Variants in DLG2 observed in about 807,000 individuals in gnomAD.
DLG2 encodes the protein discs large MAGUK scaffold protein 2.
Under a neutral mutation model 132.5 loss-of-function variants are expected in DLG2, and 45 were observed. That is an observed-to-expected ratio of 0.34 (90% CI 0.27 to 0.44). DLG2 has a LOEUF of 0.44. Ranked by LOEUF, DLG2 falls within the 20% of genes least tolerant of loss-of-function variation. The pLI is 1.00. For missense variants in DLG2, 1,045 were observed against 1,196.9 expected (o/e 0.87, Z 1.87); for synonymous variants, 424 against 419.6 (o/e 1.01, Z -0.13).
intron 7 of DLG2, among the ~76,000 whole-genome samples, chr11:84,260,592 T>C (rs778138050): frequency 6.6e-6 from 1 of 152,198 alleles, no homozygotes; most frequent in Non-Finnish European, 1.5e-5. Flanking sequence ...ACCAACTACC[T>C]ACTGTGTGCC....
chr11:83,819,582 A>T (rs529993464), intron 17 of DLG2, among the ~76,000 whole-genome samples: 3 of 152,042 alleles, frequency 2.0e-5, no homozygotes, highest in East Asian at 1.9e-4. Flanking sequence ...GAATAATAAA[A>T]GTACATGAAA....
chr11:84,398,306 A>G (rs2098817766), intron 7 of DLG2, among the ~76,000 whole-genome samples: 1 of 152,236 alleles, frequency 6.6e-6, no homozygotes, highest in African/African-American at 2.4e-5. Flanking sequence ...TGCAAGAACA[A>G]GGAGGAAACC....
intron 7 of DLG2, among the ~76,000 whole-genome samples, chr11:84,257,228 G>A (rs1598479612): frequency 6.6e-6 from 1 of 152,084 alleles, no homozygotes; most frequent in African/African-American, 2.4e-5. Flanking sequence ...TTACATTTTA[G>A]TTCTCCATTG....
intron 6 of DLG2, among the ~76,000 whole-genome samples, chr11:84,800,196 G>C (rs1156855205): frequency 1.3e-5 from 2 of 152,142 alleles, no homozygotes; most frequent in Non-Finnish European, 2.9e-5. Context: ...AGAAATTTTA[G>C]AAGAGAACAC....
intron 14 of DLG2, among the ~76,000 whole-genome samples, chr11:83,946,712 CTT>C (rs748848296): frequency 1.9e-4 from 29 of 152,078 alleles, no homozygotes; most frequent in Non-Finnish European, 3.4e-4. Context: ...AAAATTGTGA[CTT>C]TCATTATTTC....
At chr11:84,463,908 G>T (rs1158955154) in intron 7 of DLG2, among the ~76,000 whole-genome samples, 1 of 151,220 alleles carries the variant, frequency 6.6e-6, no homozygotes, top group Admixed American at 6.6e-5. Context: ...AAAGGGAGAA[G>T]GGGGAATGTA....
At chr11:84,596,883 G>A (rs2099561012) in intron 6 of DLG2, among the ~76,000 whole-genome samples, 1 of 152,080 alleles carries the variant, frequency 6.6e-6, no homozygotes, top group Admixed American at 6.6e-5. Context: ...TATGCATCAG[G>A]CACTATGCTA....
At chr11:83,927,886 T>C (rs753670248) in intron 15 of DLG2, among the ~76,000 whole-genome samples, 15 of 151,728 alleles carry the variant, frequency 9.9e-5, no homozygotes, top group Admixed American at 2.6e-4. Context: ...TGAAGATGAA[T>C]TGAATGGCAG....
chr11:84,149,891 G>T (rs1004057077), intron 9 of DLG2, among the ~76,000 whole-genome samples: 1 of 151,988 alleles, frequency 6.6e-6, no homozygotes, highest in African/African-American at 2.4e-5. Context: ...CTGAGTAGCT[G>T]GGATTACAGG....
chr11:85,425,031 A>G (rs1437354103), intron 3 of DLG2, among the ~76,000 whole-genome samples: 1 of 40,910 alleles, frequency 2.4e-5, no homozygotes, highest in Non-Finnish European at 8.8e-5. Context: ...AAAACAAACA[A>G]ACAAACAAAA....
chr11:84,312,986 A>AT (rs1263506127), intron 7 of DLG2, among the ~76,000 whole-genome samples: 1 of 150,674 alleles, frequency 6.6e-6, no homozygotes, highest in East Asian at 2.0e-4. Flanking sequence ...ATTTTTTTGT[A>AT]TTTTTAGTAG....
At chr11:84,427,987 C>A (rs966443585) in intron 7 of DLG2, among the ~76,000 whole-genome samples, 3 of 152,156 alleles carry the variant, frequency 2.0e-5, no homozygotes, top group Admixed American at 1.3e-4. Context: ...CCTAATGTAA[C>A]AAGTAGGTGT....
rs185389128 is a variant in DLG2, at chr11:84,441,684, A to G, written c.519+92886T>C. Among the ~76,000 whole-genome samples, 618 of 152,296 alleles carry G rather than the reference A, an allele frequency of 4.1e-3. 2 individuals carry two copies. The highest frequency in any genetic ancestry group is 6.8e-3 in the Non-Finnish European group (465 of 68,018). ...AAACAATGCTTTTCCACAAAAATGT[A>G]TTGAGTATTACTACATGTCAAACCT... On this transcript the variant is annotated intron_variant, in intron 7 of 27. Transcript: ENST00000376104.
chr11:85,527,159 G>C (rs139054862), intron 3 of DLG2, among the ~76,000 whole-genome samples: 198 of 150,296 alleles, frequency 1.3e-3, no homozygotes, highest in Non-Finnish European at 2.1e-3. Context: ...GTTTGTTTTT[G>C]CCTAAAGGAT....
intron 6 of DLG2, among the ~76,000 whole-genome samples, chr11:84,684,430 A>C (rs1447225660): frequency 1.3e-5 from 2 of 152,030 alleles, no homozygotes; most frequent in African/African-American, 4.8e-5. Flanking sequence ...CACTCCATTC[A>C]CTAATACACA....
chr11:83,724,472 T>TGA (rs1384949474), intron 18 of DLG2, among the ~76,000 whole-genome samples: 59 of 97,632 alleles, frequency 6.0e-4, no homozygotes, highest in South Asian at 2.2e-3. Context: ...TGTGTGTGTG[T>TGA]GTGTGAGAGA....
At chr11:83,799,201 G>T (rs753487493) in intron 17 of DLG2, among the ~76,000 whole-genome samples, 10 of 152,216 alleles carry the variant, frequency 6.6e-5, no homozygotes, top group Non-Finnish European at 1.3e-4. Flanking sequence ...ATTGTGAGCA[G>T]TCTGATGGCT....
At chr11:85,174,865 G>C (rs1329495542) in intron 4 of DLG2, among the ~76,000 whole-genome samples, 2 of 152,044 alleles carry the variant, frequency 1.3e-5, no homozygotes, top group Admixed American at 1.3e-4. Flanking sequence ...AGAAAATCTA[G>C]AAGAAATTGA....
chr11:83,528,591 T>G (rs1252948672), intron 21 of DLG2, among the ~76,000 whole-genome samples: 1 of 152,178 alleles, frequency 6.6e-6, no homozygotes, highest in African/African-American at 2.4e-5. Context: ...TTTGTAATGC[T>G]TTACTTCCTC....
Sources: gnomAD v4.1 joint callset for allele counts (sites outside exome capture counted in the v4.1 genomes callset) on GRCh38, gnomAD v4.1.1 for gene constraint, MANE v1.5 for transcripts, NCBI Gene and HGNC (gene_info 2026-07-23, HGNC 2026-07-21) for gene names.